The following RANBP17 variants were observed in gnomAD, a reference collection of about 807,000 sequenced individuals.
The protein encoded by RANBP17 is ran-binding protein 17.
Under a neutral mutation model 141.2 loss-of-function variants are expected in RANBP17, and 158 were observed. The observed-to-expected ratio is 1.12, with a 90% CI of 0.98 to 1.28. The LOEUF (loss-of-function observed/expected upper bound fraction) is 1.28. RANBP17 is among the 50% of genes most tolerant of loss of function. The probability of loss-of-function intolerance (pLI) is 0.00; values close to 1 mark genes in which losing one functional copy is unlikely to be tolerated. For synonymous variants in RANBP17, 430 were observed against 450.0 expected (o/e 0.96, Z 0.56); for missense variants, 1,438 against 1,290.7 (o/e 1.11, Z -1.75).
chr5:171,171,887 C>G (rs1258529872), intron 16 of RANBP17, among the ~76,000 whole-genome samples: 1 of 151,936 alleles, frequency 6.6e-6, no homozygotes, highest in Admixed American at 6.6e-5. Context: ...GTTTAGATTT[C>G]TCTGTCTAGC....
At chr5:171,190,185 G>C (rs1340266375) in intron 18 of RANBP17, among the ~76,000 whole-genome samples, 4 of 152,134 alleles carry the variant, frequency 2.6e-5, no homozygotes, top group Non-Finnish European at 5.9e-5. Flanking sequence ...TTAGAAAGGG[G>C]GAAAGAAATT....
At chr5:171,129,602 T>C (rs1216230146) in intron 14 of RANBP17, among the ~76,000 whole-genome samples, 2 of 152,214 alleles carry the variant, frequency 1.3e-5, no homozygotes, top group Admixed American at 6.5e-5. Flanking sequence ...TTCTAAATCA[T>C]GTCTAATGGG....
At chr5:170,968,436 TATA>T (rs1776749151) in intron 14 of RANBP17, 59 bp downstream of exon 14, 3 of 1,426,148 alleles carry the variant, frequency 2.1e-6, no homozygotes, top group Non-Finnish European at 3.0e-6. Context: ...GATGTACATA[TATA>T]ACTGAATGAT....
At position 171,088,132 on chromosome 5, in the gene RANBP17, C is replaced by T. The variant is rs1454523206; in HGVS notation, c.1711-81998C>T. Among the ~76,000 whole-genome samples the T allele has an allele frequency of 5.9e-5, 9 of 151,740 alleles. No homozygotes were observed. The East Asian group carries it at 1.6e-3, about 26-fold the overall frequency. On this transcript the variant is annotated intron_variant, in intron 14 of 27. Transcript: ENST00000523189. ...TGTTCCTTTCCATGTTTAGTGCTTC[C>T]TTCAGGAGCTCTTTTAGGGCAGGCC...
At chr5:170,883,912 A>G (rs980090701) in intron 3 of RANBP17, among the ~76,000 whole-genome samples, 1 of 152,198 alleles carries the variant, frequency 6.6e-6, no homozygotes, top group African/African-American at 2.4e-5. Flanking sequence ...TGCTATCAAC[A>G]TACATATGTG....
chr5:171,084,203 T>C (rs907801201), intron 14 of RANBP17, among the ~76,000 whole-genome samples: 44 of 148,558 alleles, frequency 3.0e-4, no homozygotes, highest in African/African-American at 9.4e-4. Context: ...TGAGTGAGAA[T>C]ATGCAGTGTT....
intron 24 of RANBP17, chr5:171,252,369 TCTTA>T (rs1453942894): frequency 2.6e-6 from 4 of 1,538,422 alleles, no homozygotes; most frequent in Non-Finnish European, 2.7e-6. Context: ...AAACCAGATG[TCTTA>T]CTTGTGAAAC....
chr5:170,963,577 C>T (rs1776300002), intron 13 of RANBP17, among the ~76,000 whole-genome samples: 1 of 152,194 alleles, frequency 6.6e-6, no homozygotes, highest in Non-Finnish European at 1.5e-5. Flanking sequence ...AACTGTTCCA[C>T]CTCAGATCAC....
intron 5 of RANBP17, chr5:170,896,830 A>AAAC: frequency 4.4e-6 from 2 of 455,658 alleles, no homozygotes; most frequent in Non-Finnish European, 8.1e-6. Flanking sequence ...ACTCTGTCTC[A>AAAC]AACAACAATA....
chr5:171,221,908 A>T, intron 22 of RANBP17, 68 bp downstream of exon 22: 1 of 1,001,936 alleles, frequency 1.0e-6, no homozygotes, highest in East Asian at 2.4e-5. Flanking sequence ...GAAAGATGTT[A>T]GTTATTTTGT....
chr5:171,276,033 A>G (rs946095967), intron 25 of RANBP17, among the ~76,000 whole-genome samples: 1 of 152,192 alleles, frequency 6.6e-6, no homozygotes, highest in African/African-American at 2.4e-5. Flanking sequence ...TGCTGGTCAG[A>G]AGCAAAGTAA....
At chr5:171,097,933 A>G (rs1007343927) in intron 14 of RANBP17, among the ~76,000 whole-genome samples, 6 of 152,046 alleles carry the variant, frequency 3.9e-5, no homozygotes, top group Non-Finnish European at 7.4e-5. Flanking sequence ...GATGGTTTCC[A>G]GCTTCATCCA....
intron 14 of RANBP17, among the ~76,000 whole-genome samples, chr5:171,020,074 T>C (rs1454363736): frequency 2.0e-5 from 3 of 152,172 alleles, no homozygotes. Flanking sequence ...CATGTAATTG[T>C]GTGGTTTTGA....
At chr5:170,863,375 T>A (rs1766979112) in intron 1 of RANBP17, 1 of 152,362 alleles carries the variant, frequency 6.6e-6, no homozygotes, top group East Asian at 1.9e-4. Flanking sequence ...TAGACTCTTT[T>A]GAACCCCCTG....
chr5:171,057,583 G>T (rs1164485095), intron 14 of RANBP17, among the ~76,000 whole-genome samples: 2 of 152,040 alleles, frequency 1.3e-5, no homozygotes, highest in African/African-American at 2.4e-5. Flanking sequence ...AAATGATACT[G>T]TACGAATAAC....
At chr5:170,877,885 C>T (rs780678988) in intron 1 of RANBP17, among the ~76,000 whole-genome samples, 1 of 152,160 alleles carries the variant, frequency 6.6e-6, no homozygotes, top group Non-Finnish European at 1.5e-5. Flanking sequence ...TTTTCCATTG[C>T]AGAACTATCA....
chr5:171,181,353 G>C (rs1760848073), intron 16 of RANBP17, among the ~76,000 whole-genome samples: 2 of 152,096 alleles, frequency 1.3e-5, no homozygotes, highest in South Asian at 4.2e-4. Context: ...GGGAGGCTGA[G>C]GCAGGAGAAT....
intron 13 of RANBP17, among the ~76,000 whole-genome samples, chr5:170,964,387 TTG>T (rs1229413870): frequency 1.2e-4 from 17 of 145,376 alleles, no homozygotes; most frequent in East Asian, 5.9e-4. Flanking sequence ...TGTTTTTTTG[TTG>T]TTGTTGTTAA....
intron 14 of RANBP17, among the ~76,000 whole-genome samples, chr5:171,074,178 T>G (rs76221342): frequency 2.0e-5 from 3 of 152,186 alleles, no homozygotes; most frequent in African/African-American, 7.2e-5. Flanking sequence ...TGATAACTCA[T>G]GTGGTAGCAC....
Sources: gnomAD v4.1 joint callset for allele counts (sites outside exome capture counted in the v4.1 genomes callset) on GRCh38, gnomAD v4.1.1 for gene constraint, MANE v1.5 for transcripts, NCBI Gene and HGNC (gene_info 2026-07-23, HGNC 2026-07-21) for gene names.